Variants in NCAM1 observed in about 807,000 individuals in gnomAD.
NCAM1 encodes the protein neural cell adhesion molecule 1.
Under a neutral mutation model 109.8 loss-of-function variants are expected in NCAM1, and 14 were observed. That is an observed-to-expected ratio of 0.13 (90% confidence interval 0.08 to 0.20). The LOEUF (loss-of-function observed/expected upper bound fraction) is 0.20, where lower values mean the gene tolerates loss of function less well. Among genes scored for constraint, NCAM1 ranks in the 10% least tolerant of loss-of-function variants. The pLI is 1.00. For missense variants in NCAM1, 774 were observed against 1,109.9 expected (o/e 0.70, Z 4.30); for synonymous variants, 418 against 442.9 (o/e 0.94, Z 0.70).
At chr11:113,065,434 G>C (rs180960687) in intron 1 of NCAM1, among the ~76,000 whole-genome samples, 69 of 152,236 alleles carry the variant, frequency 4.5e-4, no homozygotes, top group Non-Finnish European at 1.6e-4. Context: ...AGAAAAAAGA[G>C]TAACTTCACA....
intron 1 of NCAM1, among the ~76,000 whole-genome samples, chr11:113,097,358 TCTTA>T (rs1250346161): frequency 3.3e-5 from 5 of 152,238 alleles, no homozygotes; most frequent in African/African-American, 9.6e-5. Flanking sequence ...AGGTTTTATG[TCTTA>T]CTTCTTATAT....
chr11:113,256,202 A>G (rs1244123052), intron 16 of NCAM1, among the ~76,000 whole-genome samples: 2 of 152,202 alleles, frequency 1.3e-5, no homozygotes, highest in African/African-American at 4.8e-5. Flanking sequence ...CACTGGGTCC[A>G]TTTGGAAACC....
chr11:113,069,015 T>C (rs1938127381), intron 1 of NCAM1, among the ~76,000 whole-genome samples: 1 of 152,312 alleles, frequency 6.6e-6, no homozygotes, highest in Non-Finnish European at 1.5e-5. Flanking sequence ...TTTGTTTGTA[T>C]TTATTAATTC....
chr11:113,163,715 TAAAG>T (rs1201809286), intron 1 of NCAM1, among the ~76,000 whole-genome samples: 3 of 151,952 alleles, frequency 2.0e-5, no homozygotes, highest in African/African-American at 7.3e-5. Flanking sequence ...AGAATGGAGT[TAAAG>T]AAAAGTTTTG....
rs1416137146 is a variant in NCAM1, at chr11:113,173,588, CCTGATATATA to C, written c.53-28790_53-28781del. 4.3e-4 allele frequency among the ~76,000 whole-genome samples: 14 copies of C among 32,308 alleles called. 1 individual carries two copies. The East Asian group carries it at 4.6e-3, about 11-fold the overall frequency. The allele number at this position is 32,308 out of a possible 152,430, so 21.2% of individuals were successfully genotyped here. ...ACATATGACTAATATTAGCATGTTA[CCTGATATATA>C]TATATATATATATATATATATATAT... On this transcript the variant is annotated intron_variant, in intron 1 of 19. Coordinates refer to ENST00000316851, the MANE Select transcript of NCAM1 (RefSeq NM_181351.5).
intron 1 of NCAM1, among the ~76,000 whole-genome samples, chr11:113,156,452 C>A (rs565877817): frequency 1.3e-5 from 2 of 152,066 alleles, no homozygotes; most frequent in African/African-American, 4.8e-5. Flanking sequence ...CACACTAGAG[C>A]AGAGGAAGAT....
At chr11:113,189,775 A>T (rs1943621204) in intron 1 of NCAM1, among the ~76,000 whole-genome samples, 1 of 151,868 alleles carries the variant, frequency 6.6e-6, no homozygotes, top group South Asian at 2.1e-4. Flanking sequence ...TTGGGTTTGG[A>T]TTGAGGGAGG....
intron 9 of NCAM1, among the ~76,000 whole-genome samples, chr11:113,230,604 C>T (rs1403792786): frequency 2.0e-5 from 3 of 152,178 alleles, no homozygotes; most frequent in Non-Finnish European, 4.4e-5. Context: ...GAACCTGAAG[C>T]CAATTGTTCT....
chr11:113,115,247 C>T (rs1189390624), intron 1 of NCAM1, among the ~76,000 whole-genome samples: 7 of 152,106 alleles, frequency 4.6e-5, no homozygotes, highest in Middle Eastern at 3.4e-3. Context: ...ATAAAACGTA[C>T]AAAACAGCTT....
intron 1 of NCAM1, 115 bp from the exon 2 acceptor site, chr11:113,202,264 A>G (rs573408273): frequency 1.9e-4 from 213 of 1,106,120 alleles, no homozygotes; most frequent in African/African-American, 1.8e-3. Context: ...TGGGAAGCCT[A>G]TTTTTGAATG....
chr11:113,205,187 C>T (rs181800972), intron 3 of NCAM1, among the ~76,000 whole-genome samples: 41 of 152,296 alleles, frequency 2.7e-4, no homozygotes, highest in Non-Finnish European at 4.9e-4. Context: ...AATGGATGTT[C>T]CACCAGTTCA....
intron 1 of NCAM1, among the ~76,000 whole-genome samples, chr11:113,191,797 A>G (rs1474525396): frequency 6.6e-6 from 1 of 151,938 alleles, no homozygotes; most frequent in Admixed American, 6.6e-5. Flanking sequence ...ATATATGTAT[A>G]TGAATGTGGA....
chr11:113,252,670 C>CT (rs1555121588), intron 15 of NCAM1, among the ~76,000 whole-genome samples: 1 of 152,060 alleles, frequency 6.6e-6, no homozygotes, highest in Non-Finnish European at 1.5e-5. Flanking sequence ...AGGTCTCACT[C>CT]TGTCACCCAG....
chr11:113,245,385 T>G (rs1945472224), intron 14 of NCAM1, among the ~76,000 whole-genome samples: 1 of 152,078 alleles, frequency 6.6e-6, no homozygotes, highest in Admixed American at 6.6e-5. Flanking sequence ...AAGGCTGGAG[T>G]GAGCTATCTT....
chr11:113,088,476 G>A (rs1162969998), intron 1 of NCAM1, among the ~76,000 whole-genome samples: 1 of 152,176 alleles, frequency 6.6e-6, no homozygotes, highest in Admixed American at 6.5e-5. Context: ...AGCTTGATCA[G>A]TCCAAACTGA....
chr11:113,186,557 C>T (rs1943514374), intron 1 of NCAM1, among the ~76,000 whole-genome samples: 1 of 152,222 alleles, frequency 6.6e-6, no homozygotes, highest in Non-Finnish European at 1.5e-5. Context: ...ACCTTTCTAC[C>T]TCTTTACCTT....
intron 1 of NCAM1, among the ~76,000 whole-genome samples, chr11:112,981,490 C>G (rs540467838): frequency 1.3e-5 from 2 of 151,982 alleles, no homozygotes; most frequent in Middle Eastern, 6.8e-3. Flanking sequence ...GTTGGGCTAA[C>G]ACCACATTGC....
intron 1 of NCAM1, among the ~76,000 whole-genome samples, chr11:112,988,163 T>G (rs1274704148): frequency 2.0e-5 from 3 of 152,186 alleles, no homozygotes; most frequent in African/African-American, 7.2e-5. Flanking sequence ...ACACAAAACC[T>G]CTACACTTTT....
At chr11:113,230,955 A>G (rs1591440230) in intron 9 of NCAM1, among the ~76,000 whole-genome samples, 1 of 152,142 alleles carries the variant, frequency 6.6e-6, no homozygotes, top group South Asian at 2.1e-4. Context: ...AAGGACTATA[A>G]AATGGTGGTG....
Sources: allele counts gnomAD v4.1 joint callset (sites outside exome capture counted in the v4.1 genomes callset), GRCh38; gene constraint gnomAD v4.1.1; transcripts MANE v1.5; gene names NCBI Gene and HGNC (gene_info 2026-07-23, HGNC 2026-07-21).